TGFBRAP1: variants seen among roughly 807,000 people sequenced by gnomAD.
TGFBRAP1 encodes transforming growth factor-beta receptor-associated protein 1.
TGFBRAP1 carries 20 observed loss-of-function variants against 83.2 expected under a neutral mutation model. The ratio of observed to expected loss-of-function variants is 0.24; its 90% CI spans 0.17 to 0.35. TGFBRAP1 has a LOEUF of 0.35. TGFBRAP1 is among the 10% of genes least tolerant of loss of function. TGFBRAP1 has a pLI of 1.00. For synonymous variants in TGFBRAP1, 415 were observed against 459.8 expected (o/e 0.90, Z 1.25); for missense variants, 950 against 1,099.4 (o/e 0.86, Z 1.92).
intron 1 of TGFBRAP1, among the ~76,000 whole-genome samples, chr2:105,320,860 C>T (rs1384940793): frequency 6.6e-6 from 1 of 152,206 alleles, no homozygotes; most frequent in East Asian, 1.9e-4. Context: ...AGGATTAACA[C>T]TATGAGTCAG....
At chr2:105,304,670 C>T (rs1394477555) in intron 2 of TGFBRAP1, among the ~76,000 whole-genome samples, 1 of 152,222 alleles carries the variant, frequency 6.6e-6, no homozygotes, top group Non-Finnish European at 1.5e-5. Flanking sequence ...ATAGTCCCAG[C>T]TACTCGGGAG....
chr2:105,291,792 T>G (rs1421940484), intron 4 of TGFBRAP1, among the ~76,000 whole-genome samples: 1 of 151,918 alleles, frequency 6.6e-6, no homozygotes, highest in Non-Finnish European at 1.5e-5. Context: ...GGGCATACAG[T>G]GGGAAGTGGG....
chr2:105,277,521 TCTC>T, intron 7 of TGFBRAP1, 90 bp downstream of exon 7: 1 of 1,024,656 alleles, frequency 9.8e-7, no homozygotes, highest in Non-Finnish European at 1.4e-6. Context: ...GCAAAAGTGG[TCTC>T]TATCAACTTG....
intron 1 of TGFBRAP1, among the ~76,000 whole-genome samples, chr2:105,316,967 C>T (rs1382167799): frequency 6.6e-6 from 1 of 152,004 alleles, no homozygotes; most frequent in African/African-American, 2.4e-5. Flanking sequence ...ACCTAGAGAA[C>T]ACAACTGGGT....
chr2:105,253,635 A>G, the TGFBRAP1 span, among the ~76,000 whole-genome samples: 3 of 151,880 alleles, frequency 2.0e-5, no homozygotes, highest in Admixed American at 2.0e-4. Flanking sequence ...GGGTCTCACT[A>G]TGTTGCCCAG....
intron 6 of TGFBRAP1, among the ~76,000 whole-genome samples, chr2:105,278,030 G>T (rs1433700600): frequency 6.6e-6 from 1 of 152,012 alleles, no homozygotes; most frequent in African/African-American, 2.4e-5. Context: ...CTGCACTCCA[G>T]CCCGGGTGAC....
At chr2:105,258,050 T>G in the TGFBRAP1 span, among the ~76,000 whole-genome samples, 16 of 152,310 alleles carry the variant, frequency 1.1e-4, no homozygotes, top group African/African-American at 3.8e-4. Flanking sequence ...TGAAACACAG[T>G]TCTTGATGAG....
intron 2 of TGFBRAP1, among the ~76,000 whole-genome samples, chr2:105,304,386 A>G (rs550131558): frequency 2.8e-4 from 42 of 152,340 alleles, no homozygotes; most frequent in African/African-American, 9.1e-4. Context: ...CAGTACAGAA[A>G]TCCTCAATTT....
At chr2:105,309,066 C>A (rs941963175) in intron 1 of TGFBRAP1, among the ~76,000 whole-genome samples, 1 of 152,190 alleles carries the variant, frequency 6.6e-6, no homozygotes, top group Non-Finnish European at 1.5e-5. Flanking sequence ...GTGGACCGAC[C>A]GGTCCCTGGC....
At chr2:105,263,576 T>C (rs1228201148), downstream of TGFBRAP1, among the ~76,000 whole-genome samples, 1 of 150,234 alleles carries the variant, frequency 6.7e-6, no homozygotes, top group Non-Finnish European at 1.5e-5. Flanking sequence ...TGAAATGAAA[T>C]AGGGTCAGAA....
At chr2:105,309,133 C>T (rs541007317) in intron 1 of TGFBRAP1, among the ~76,000 whole-genome samples, 47 of 152,388 alleles carry the variant, frequency 3.1e-4, no homozygotes, top group African/African-American at 1.0e-3. Flanking sequence ...ACTTCATCTT[C>T]TGCAGAGAAC....
chr2:105,277,743 C>G, intron 6 of TGFBRAP1, 72 bp from the exon 7 acceptor site: 1 of 1,378,554 alleles, frequency 7.3e-7, no homozygotes, highest in Non-Finnish European at 1.0e-6. Context: ...CACAGTGACA[C>G]CCCCAGTCCA....
At position 105,264,494 on chromosome 2, in the gene TGFBRAP1, C is replaced by T. The variant is rs1676854549; in HGVS notation, c.*2889G>A. On this transcript the variant is annotated 3_prime_UTR_variant, in exon 12 of 12. Transcript: ENST00000393359. ...AATTTTAATAAAATGAGCAAGTTTA[C>T]ATTTGTACATTTTGTGTATCTGGGA... The T allele has an allele frequency of 6.6e-6, 1 of 152,198 alleles. No homozygotes were observed. The highest frequency in any genetic ancestry group is 2.1e-4 in the South Asian group (1 of 4,830). The allele number at this position is 152,198 out of a possible 1,614,324, so 9.4% of individuals were successfully genotyped here.
chr2:105,327,590 C>A (rs2576754), intron 1 of TGFBRAP1, among the ~76,000 whole-genome samples: 42,463 of 151,788 alleles, frequency 0.28, 6,168 homozygotes, highest in South Asian at 0.34. Context: ...AAAAAAACCA[C>A]CCAGAAGACA....
At chr2:105,304,880 G>C (rs550064303) in intron 2 of TGFBRAP1, among the ~76,000 whole-genome samples, 2 of 152,216 alleles carry the variant, frequency 1.3e-5, no homozygotes, top group South Asian at 2.1e-4. Flanking sequence ...CTCTGGAAAA[G>C]AAAGAAAAAA....
intron 4 of TGFBRAP1, among the ~76,000 whole-genome samples, chr2:105,286,375 C>T (rs921341916): frequency 6.6e-6 from 1 of 152,158 alleles, no homozygotes; most frequent in African/African-American, 2.4e-5. Context: ...AGGTGACGGT[C>T]TCATTTCCAA....
intron 2 of TGFBRAP1, among the ~76,000 whole-genome samples, chr2:105,306,970 C>T (rs753745124): frequency 1.3e-5 from 2 of 152,178 alleles, no homozygotes; most frequent in Non-Finnish European, 2.9e-5. Context: ...GTGGGATTCA[C>T]ATCCAACACC....
chr2:105,303,219 C>T (rs1175477606), intron 2 of TGFBRAP1, among the ~76,000 whole-genome samples: 1 of 152,164 alleles, frequency 6.6e-6, no homozygotes, highest in Non-Finnish European at 1.5e-5. Context: ...TGCTTGAGCC[C>T]AGGAGTTCAA....
chr2:105,285,924 C>G (rs1677702930), intron 4 of TGFBRAP1, among the ~76,000 whole-genome samples: 1 of 152,230 alleles, frequency 6.6e-6, no homozygotes, highest in Non-Finnish European at 1.5e-5. Context: ...AGGCAACGTT[C>G]TGTTGCCTGG....
Sources: allele counts gnomAD v4.1 joint callset (sites outside exome capture counted in the v4.1 genomes callset), GRCh38; gene constraint gnomAD v4.1.1; transcripts MANE v1.5; gene names NCBI Gene and HGNC (gene_info 2026-07-23, HGNC 2026-07-21).